Variants in PCDHGC3 observed in about 807,000 individuals in gnomAD.
PCDHGC3 encodes the protein protocadherin gamma-C3.
PCDHGC3 carries 26 observed loss-of-function variants against 59.2 expected under a neutral mutation model. The observed-to-expected ratio is 0.44, with a 90% CI of 0.32 to 0.61. PCDHGC3 has a LOEUF of 0.61. PCDHGC3 is among the 20% of genes least tolerant of loss of function. The pLI, the probability that PCDHGC3 is intolerant of heterozygous loss-of-function variation, is 0.05. For missense variants in PCDHGC3, 1,080 were observed against 1,221.8 expected (o/e 0.88, Z 1.73); for synonymous variants, 487 against 519.7 (o/e 0.94, Z 0.86).
Position 141,491,057 on chromosome 5 carries a change from CCTA to C in PCDHGC3, c.2431-3747_2431-3745del. On this transcript the variant is annotated intron_variant, in intron 1 of 3. Coordinates refer to ENST00000308177, the MANE Select transcript of PCDHGC3 (RefSeq NM_002588.4). The surrounding 1 kb of genome is among the most constrained non-coding windows in gnomAD (Gnocchi z 6.9). ...GATGCAGGCCACAATGCGTGGCTCTCCTACTCACTGTTGCCACAGTCCACAGCC... is the reference window on the plus strand; with the variant it reads ...GATGCAGGCCACAATGCGTGGCTCTCCTCACTGTTGCCACAGTCCACAGCC... 6.2e-7 allele frequency: 1 copy of C among 1,614,208 alleles called. No homozygotes were observed. The highest frequency in any genetic ancestry group is 8.5e-7 in the Non-Finnish European group (1 of 1,180,022).
intron 2 of PCDHGC3, among the ~76,000 whole-genome samples, chr5:141,500,399 C>T (rs966328306): frequency 1.3e-5 from 2 of 151,806 alleles, no homozygotes; most frequent in South Asian, 2.1e-4. Context: ...TTAGTAGAGA[C>T]GGGGTTTCAC....
In PCDHGC3 at chr5:141,486,981, A is replaced by G. The variant is rs1457098151; in HGVS notation, c.2431-7826A>G. Reference sequence around the variant, plus strand: ...GCTGTGGACTTGGATTCAGGTTACAATGCTTGGGTTTCCTATCAGCTCCTG... The same window carrying G: ...GCTGTGGACTTGGATTCAGGTTACAGTGCTTGGGTTTCCTATCAGCTCCTG... On this transcript the variant is annotated intron_variant, in intron 1 of 3. Coordinates refer to ENST00000308177, the MANE Select transcript of PCDHGC3 (RefSeq NM_002588.4). The surrounding 1 kb of genome is among the most constrained non-coding windows in gnomAD (Gnocchi z 5.0). 17 of 1,614,038 alleles carry G rather than the reference A, an allele frequency of 1.1e-5. No individual in the cohort carries two copies. The highest frequency in any genetic ancestry group is 4.0e-5 in the African/African-American group (3 of 74,922).
rs996353495 is a variant in PCDHGC3, at chr5:141,485,101, T to G, written c.2430+6555T>G. 12 of 1,158,090 alleles carry G rather than the reference T, an allele frequency of 1.0e-5. No individual in the cohort carries two copies. Among genetic ancestry groups the G allele is most frequent in the Non-Finnish European group, 1.4e-5 (11 of 786,830 alleles). The allele number at this position is 1,158,090 out of a possible 1,614,324, so 71.7% of individuals were successfully genotyped here. ...GGAAAGGGAGATAGGTGTCTCCAGC[T>G]GCTGTGGCTGTTTGGGGCGGGTCGG... On this transcript the variant is annotated intron_variant, in intron 1 of 3. Transcript: ENST00000308177. This position sits in a 1 kb window ranked among gnomAD's most constrained non-coding sequence, Gnocchi z 5.7.
At chr5:141,482,852 A>G (rs1237049208) in intron 1 of PCDHGC3, among the ~76,000 whole-genome samples, 1 of 144,420 alleles carries the variant, frequency 6.9e-6, no homozygotes, top group Non-Finnish European at 1.5e-5. Flanking sequence ...TGGGCAGATC[A>G]CTTGAGGTCA....
Position 141,486,740 on chromosome 5 carries a change from T to G in PCDHGC3, c.2431-8067T>G. Reference sequence around the variant, plus strand: ...AGGAGCTGTTCATGCTACTCGATCCTTTGACTATGAGCAAACCCAGACACT... The same window carrying G: ...AGGAGCTGTTCATGCTACTCGATCCGTTGACTATGAGCAAACCCAGACACT... On this transcript the variant is annotated intron_variant, in intron 1 of 3. Transcript: ENST00000308177. This position sits in a 1 kb window ranked among gnomAD's most constrained non-coding sequence, Gnocchi z 5.0. 6.2e-7 allele frequency: 1 copy of G among 1,614,234 alleles called. No individual in the cohort carries two copies. The highest frequency in any genetic ancestry group is 8.5e-7 in the Non-Finnish European group (1 of 1,180,046).
At chr5:141,484,873 G>A (rs754469397) in intron 1 of PCDHGC3, 50 of 322,006 alleles carry the variant, frequency 1.6e-4, no homozygotes, top group Non-Finnish European at 2.5e-4. Flanking sequence ...GAGCGTGGAG[G>A]ATAGGGTGGG....
In PCDHGC3 at chr5:141,478,428, C is replaced by G; in HGVS notation, c.2312C>G (p.Pro771Arg). The G allele has an allele frequency of 6.2e-7, 1 of 1,613,746 alleles. No individual in the cohort carries two copies. The change falls in exon 1 of 4, where the codon CCG (proline) becomes CGG (arginine). Residue 771 changes from proline (P) to arginine (R), a missense_variant. Physicochemically the swap from Pro to Arg is moderately radical, Grantham distance 103. Coordinates refer to ENST00000308177, the MANE Select transcript of PCDHGC3 (RefSeq NM_002588.4). ...YLTTDSRRSD[P>R]LLKKPGAASP... ...ACCACGGACTCCCGCCGCAGCGACC[C>G]GCTGCTGAAGAAACCTGGTGCAGCC... is the stretch of plus-strand genomic sequence containing the variant.
Position 141,477,403 on chromosome 5 carries a change from C to T in PCDHGC3, c.1287C>T (p.Ala429=), listed in dbSNP as rs1329599078. 2 of 1,614,164 alleles carry T rather than the reference C, an allele frequency of 1.2e-6. No individual in the cohort carries two copies. Among genetic ancestry groups the T allele is most frequent in the Non-Finnish European group, 1.7e-6 (2 of 1,180,042 alleles). ...TVPEYNLSIT[A]RDAGTPSLSA... ...CAGAATACAACCTCAGCATCACCGC[C>T]CGAGACGCCGGAACCCCTTCCCTCT... is the stretch of plus-strand genomic sequence containing the variant. Residue 429 remains alanine (A), a synonymous_variant, in exon 1 of 4, where the codon GCC becomes GCT. Transcript: ENST00000308177. The surrounding 1 kb of genome is among the most constrained non-coding windows in gnomAD (Gnocchi z 4.9).
Position 141,476,500 on chromosome 5 carries a change from C to A in PCDHGC3, c.384C>A (p.Ile128=). The A allele has an allele frequency of 6.2e-7, 1 of 1,613,874 alleles. No homozygotes were observed. The highest frequency in any genetic ancestry group is 8.5e-7 in the Non-Finnish European group (1 of 1,179,950). ...GCGTGGAAGTGGTGATCCAGGACAT[C>A]AACGACAACAATCCTGCTTTCCCTA... ...LFSVEVVIQD[I]NDNNPAFPTQ... Residue 128 remains isoleucine (I), a synonymous_variant, in exon 1 of 4, where the codon ATC becomes ATA. Coordinates refer to ENST00000308177, the MANE Select transcript of PCDHGC3 (RefSeq NM_002588.4). The surrounding 1 kb of genome is among the most constrained non-coding windows in gnomAD (Gnocchi z 7.6).
chr5:141,483,716 G>C (rs772661472), intron 1 of PCDHGC3, among the ~76,000 whole-genome samples: 1 of 151,974 alleles, frequency 6.6e-6, no homozygotes, highest in Non-Finnish European at 1.5e-5. Context: ...CCAGAATATT[G>C]GTTCCCACCA....
At chr5:141,504,660 C>T (rs1002186811) in intron 2 of PCDHGC3, among the ~76,000 whole-genome samples, 8 of 101,980 alleles carry the variant, frequency 7.8e-5, no homozygotes, top group Admixed American at 5.7e-4. Flanking sequence ...TGTTTGAGGG[C>T]GGGGGGTGGG....
Position 141,475,986 on chromosome 5 carries a change from G to T in PCDHGC3, c.-131G>T. 3 of 1,089,866 alleles carry T rather than the reference G, an allele frequency of 2.8e-6. No homozygotes were observed. Among genetic ancestry groups the T allele is most frequent in the Non-Finnish European group, 3.9e-6 (3 of 763,308 alleles). 67.5% of individuals were successfully genotyped at this position (1,089,866 alleles called of 1,614,324 possible). A position where few individuals can be genotyped will look rare whatever the true frequency, so the allele number is the denominator to read the frequency against. On this transcript the variant is annotated 5_prime_UTR_variant, in exon 1 of 4. Coordinates refer to ENST00000308177, the MANE Select transcript of PCDHGC3 (RefSeq NM_002588.4). ...GAGGCAGAGACTGAACAGCCGGCGAGCAAATCAACGGCATCCAGAAAGCCA... is the reference window on the plus strand; with the variant it reads ...GAGGCAGAGACTGAACAGCCGGCGATCAAATCAACGGCATCCAGAAAGCCA...
At position 141,478,272 on chromosome 5, in the gene PCDHGC3, A is replaced by G; in HGVS notation, c.2156A>G (p.Lys719Arg). Residue 719 changes from lysine (K) to arginine (R), a missense_variant, in exon 1 of 4, where the codon AAG (lysine) becomes AGG (arginine). By Grantham distance (26) the Lys-to-Arg change is conservative. Coordinates refer to ENST00000308177, the MANE Select transcript of PCDHGC3 (RefSeq NM_002588.4). ...VFGVIIFKVY[K>R]WKQSRDLYRA... The stretch of plus-strand genomic sequence containing the variant: ...GGAGTAATCATATTCAAAGTTTACA[A>G]GTGGAAGCAGTCTAGAGACCTATAC... The G allele has an allele frequency of 6.2e-7, 1 of 1,614,160 alleles. No individual in the cohort carries two copies. Among genetic ancestry groups the G allele is most frequent in the Non-Finnish European group, 8.5e-7 (1 of 1,180,032 alleles).
chr5:141,485,768 C>G lies in PCDHGC3; in HGVS notation c.2430+7222C>G. ...GGTCCCAGAGCTGCTCCTGGAGAAG[C>G]CTTTGGATCGAGAGAAGCAATCGGA... On this transcript the variant is annotated intron_variant, in intron 1 of 3. Coordinates refer to ENST00000308177, the MANE Select transcript of PCDHGC3 (RefSeq NM_002588.4). The surrounding 1 kb of genome is among the most constrained non-coding windows in gnomAD (Gnocchi z 5.7). 5 of 1,614,192 alleles carry G rather than the reference C, an allele frequency of 3.1e-6. No homozygotes were observed. The South Asian group carries it at 3.3e-5, about 11-fold the overall frequency.
chr5:141,491,537 C>T lies in PCDHGC3; in HGVS notation c.2431-3270C>T, dbSNP rs1330469043. The T allele has an allele frequency of 3.1e-6, 5 of 1,613,908 alleles. No homozygotes were observed. The highest frequency in any genetic ancestry group is 4.2e-6 in the Non-Finnish European group (5 of 1,180,020). On this transcript the variant is annotated intron_variant, in intron 1 of 3. Transcript: ENST00000308177. This position sits in a 1 kb window ranked among gnomAD's most constrained non-coding sequence, Gnocchi z 6.9. ...AAGTACATGGAGGTGACGCTGCGGC[C>T]CACAGACTCGCAGAGCCACTGCTAC...
chr5:141,496,511 C>T (rs1161285563), intron 2 of PCDHGC3, among the ~76,000 whole-genome samples: 1 of 152,182 alleles, frequency 6.6e-6, no homozygotes, highest in Non-Finnish European at 1.5e-5. Flanking sequence ...CACAAGGACC[C>T]AGGAGCCCTT....
In PCDHGC3 at chr5:141,477,294, C is replaced by G. The variant is rs753131175; in HGVS notation, c.1178C>G (p.Pro393Arg). Residue 393 changes from proline (P) to arginine (R), a missense_variant, in exon 1 of 4, where the codon CCG becomes CGG. Coordinates refer to ENST00000308177, the MANE Select transcript of PCDHGC3 (RefSeq NM_002588.4). This position sits in a 1 kb window ranked among gnomAD's most constrained non-coding sequence, Gnocchi z 4.9. ...GGGCTGGTGACCTGCGAAGTTCCACCGGGTCTCCCTTTCAGCCTTACTTCT... is the reference window on the plus strand; with the variant it reads ...GGGCTGGTGACCTGCGAAGTTCCACGGGGTCTCCCTTTCAGCCTTACTTCT... ...ENGLVTCEVP[P>R]GLPFSLTSSL... The G allele has an allele frequency of 2.1e-5, 34 of 1,614,024 alleles. No individual in the cohort carries two copies. Among genetic ancestry groups the G allele is most frequent in the Non-Finnish European group, 2.9e-5 (34 of 1,180,036 alleles).
chr5:141,505,803 C>A (rs920849273), intron 3 of PCDHGC3, among the ~76,000 whole-genome samples: 2 of 152,234 alleles, frequency 1.3e-5, no homozygotes, highest in African/African-American at 4.8e-5. Flanking sequence ...GGACTTGGAT[C>A]GACTTGCTCA....
chr5:141,478,076 C>A lies in PCDHGC3; in HGVS notation c.1960C>A (p.Pro654Thr). ...LTVLIKDNGE[P>T]SLSTTATLTV... ...GGTCTTGATCAAAGACAATGGGGAG[C>A]CTTCGCTCTCCACCACTGCTACCCT... Residue 654 changes from proline (P) to threonine (T), a missense_variant, in exon 1 of 4, where the codon CCT (proline) becomes ACT (threonine). Pro to Thr is a conservative substitution (Grantham distance 38). Coordinates refer to ENST00000308177, the MANE Select transcript of PCDHGC3 (RefSeq NM_002588.4). 1 of 1,614,106 alleles carries A rather than the reference C, an allele frequency of 6.2e-7. No homozygotes were observed.
Sources: gnomAD v4.1 joint callset for allele counts (sites outside exome capture counted in the v4.1 genomes callset) on GRCh38, gnomAD v4.1.1 for gene constraint, Gnocchi (gnomAD v3.1) non-coding constraint, MANE v1.5 for transcripts, NCBI Gene and HGNC (gene_info 2026-07-23, HGNC 2026-07-21) for gene names.